Variants in GREM2 observed in about 807,000 individuals in gnomAD.
The protein encoded by GREM2 is gremlin 2, DAN family BMP antagonist, also known as gremlin-2.
A neutral mutation model predicts 14.2 loss-of-function variants in GREM2; 11 were observed. The observed-to-expected ratio is 0.78, with a 90% CI of 0.49 to 1.28. GREM2 has a LOEUF of 1.28. GREM2 is among the 50% of genes most tolerant of loss of function. The probability of loss-of-function intolerance (pLI) is 0.00; values close to 1 mark genes in which losing one functional copy is unlikely to be tolerated. For synonymous variants in GREM2, 98 were observed against 97.6 expected (o/e 1.00, Z -0.02); for missense variants, 210 against 218.5 (o/e 0.96, Z 0.24).
intron 1 of GREM2, among the ~76,000 whole-genome samples, chr1:240,521,487 CG>C (rs1558147676): frequency 6.6e-6 from 1 of 151,844 alleles, no homozygotes; most frequent in Non-Finnish European, 1.5e-5. Context: ...AGGAGAATGG[CG>C]TGAACCCGGG....
At chr1:240,563,356 T>C (rs541154441) in intron 1 of GREM2, among the ~76,000 whole-genome samples, 1 of 152,304 alleles carries the variant, frequency 6.6e-6, no homozygotes, top group South Asian at 2.1e-4. Context: ...TCAGGCTAGG[T>C]TCATGGTGGA....
intron 1 of GREM2, among the ~76,000 whole-genome samples, chr1:240,600,891 A>T (rs1341740820): frequency 1.3e-5 from 2 of 152,176 alleles, no homozygotes; most frequent in African/African-American, 4.8e-5. Flanking sequence ...TGGTTCCATA[A>T]ATAATTGTTG....
chr1:240,497,180 C>T (rs576666865), intron 1 of GREM2, among the ~76,000 whole-genome samples: 38 of 152,134 alleles, frequency 2.5e-4, no homozygotes, highest in Non-Finnish European at 4.3e-4. Flanking sequence ...CTGTGACCAA[C>T]GACATCTGAA....
chr1:240,609,992 G>C (rs1680102324), intron 1 of GREM2, among the ~76,000 whole-genome samples: 1 of 151,968 alleles, frequency 6.6e-6, no homozygotes, highest in African/African-American at 2.4e-5. Context: ...AAAAAACAAT[G>C]AATAATCACA....
chr1:240,586,041 A>C (rs78571394), intron 1 of GREM2, among the ~76,000 whole-genome samples: 2 of 151,880 alleles, frequency 1.3e-5, no homozygotes, highest in East Asian at 3.9e-4. Context: ...AAAAAAAAAA[A>C]GACAAAACTC....
intron 1 of GREM2, among the ~76,000 whole-genome samples, chr1:240,603,261 A>G (rs1045741656): frequency 6.6e-6 from 1 of 152,180 alleles, no homozygotes. Flanking sequence ...GCTTGAGACC[A>G]TCCAGTTTCA....
At chr1:240,509,244 T>C (rs74149149) in intron 1 of GREM2, among the ~76,000 whole-genome samples, 4,506 of 152,130 alleles carry the variant, frequency 0.03, 223 homozygotes, top group African/African-American at 0.1. Context: ...GAGAGGCCCC[T>C]GCACCGGGCC....
In GREM2 at chr1:240,542,915, G is replaced by A. The variant is rs1042988258; in HGVS notation, c.-1-49439C>T. On this transcript the variant is annotated intron_variant, in intron 1 of 1. Coordinates refer to ENST00000318160, the MANE Select transcript of GREM2 (RefSeq NM_022469.4). This position sits in a 1 kb window ranked among gnomAD's most constrained non-coding sequence, Gnocchi z 4.1. Reference sequence around the variant, plus strand: ...AAAATTATTGATCCTCTCTGAGAAAGAAAGAGCTCTCTCCACTCTTAGAAG... The same window carrying A: ...AAAATTATTGATCCTCTCTGAGAAAAAAAGAGCTCTCTCCACTCTTAGAAG... Among the ~76,000 whole-genome samples, 2 of 152,168 alleles carry A rather than the reference G, an allele frequency of 1.3e-5. No individual in the cohort carries two copies. Among genetic ancestry groups the A allele is most frequent in the African/African-American group, 4.8e-5 (2 of 41,438 alleles).
chr1:240,503,352 C>T (rs747989047), intron 1 of GREM2, among the ~76,000 whole-genome samples: 63 of 152,198 alleles, frequency 4.1e-4, no homozygotes, highest in Non-Finnish European at 7.8e-4. Flanking sequence ...TTTAGATCCT[C>T]ATCATCTGAA....
chr1:240,496,948 G>A (rs1441462034), intron 1 of GREM2, among the ~76,000 whole-genome samples: 2 of 152,088 alleles, frequency 1.3e-5, no homozygotes, highest in East Asian at 1.9e-4. Context: ...TTGAACCCGG[G>A]AGGCAGAGGT....
chr1:240,531,579 C>G (rs1222387500), intron 1 of GREM2: 1 of 892,480 alleles, frequency 1.1e-6, no homozygotes, highest in Non-Finnish European at 1.3e-6. Flanking sequence ...AATTAGGGAA[C>G]AGAATAGTGG....
At position 240,585,711 on chromosome 1, in the gene GREM2, CAG is replaced by C. The variant is rs549481290; in HGVS notation, c.-2+26171_-2+26172del. On this transcript the variant is annotated intron_variant, in intron 1 of 1. Coordinates refer to ENST00000318160, the MANE Select transcript of GREM2 (RefSeq NM_022469.4). ...TGCCACTGTATTACAGCCTAGGTGACAGAGAGAGACTCCATCTCAAAAAAAAA... is the reference window on the plus strand; with the variant it reads ...TGCCACTGTATTACAGCCTAGGTGACAGAGAGACTCCATCTCAAAAAAAAA... Among the ~76,000 whole-genome samples, 82 of 114,556 alleles carry C rather than the reference CAG, an allele frequency of 7.2e-4. 4 individuals carry two copies. In the East Asian group the frequency reaches 0.021, roughly 30 times the overall value. 75.2% of individuals were successfully genotyped at this position (114,556 alleles called of 152,430 possible). A position where few individuals can be genotyped will look rare whatever the true frequency, so the allele number is the denominator to read the frequency against.
chr1:240,606,569 T>C (rs1297140945), intron 1 of GREM2, among the ~76,000 whole-genome samples: 2 of 152,188 alleles, frequency 1.3e-5, no homozygotes, highest in African/African-American at 4.8e-5. Context: ...TATTATGCCC[T>C]ATAATCTTGA....
intron 1 of GREM2, among the ~76,000 whole-genome samples, chr1:240,606,478 A>T (rs73115524): frequency 0.01 from 1,553 of 152,226 alleles, 31 homozygotes; most frequent in African/African-American, 0.035. Context: ...TACCCAACAA[A>T]CACCACTGTA....
chr1:240,610,845 A>G (rs1680118265), intron 1 of GREM2, among the ~76,000 whole-genome samples: 1 of 152,218 alleles, frequency 6.6e-6, no homozygotes, highest in African/African-American at 2.4e-5. Context: ...ATTCAGAGCC[A>G]CATGAATACC....
chr1:240,516,896 C>T (rs1417378933), intron 1 of GREM2, among the ~76,000 whole-genome samples: 1 of 152,112 alleles, frequency 6.6e-6, no homozygotes. Flanking sequence ...AGGCTGATTT[C>T]AGTCTGGGCC....
rs1678615099 is a variant in GREM2, at chr1:240,542,545, G to A, written c.-1-49069C>T. Reference sequence around the variant, plus strand: ...CAGGAGAATCGCTTGAACCCAGGAGGCGGAGGTTGCAGTGAGCCAAGATTG... The same window carrying A: ...CAGGAGAATCGCTTGAACCCAGGAGACGGAGGTTGCAGTGAGCCAAGATTG... On this transcript the variant is annotated intron_variant, in intron 1 of 1. Transcript: ENST00000318160. This position sits in a 1 kb window ranked among gnomAD's most constrained non-coding sequence, Gnocchi z 4.1. Among the ~76,000 whole-genome samples the A allele has an allele frequency of 6.6e-6, 1 of 151,934 alleles. No homozygotes were observed. The highest frequency in any genetic ancestry group is 1.9e-4 in the East Asian group (1 of 5,180).
intron 1 of GREM2, among the ~76,000 whole-genome samples, chr1:240,593,446 A>G (rs1342122895): frequency 6.6e-6 from 1 of 152,224 alleles, no homozygotes; most frequent in Non-Finnish European, 1.5e-5. Context: ...CCAGTGGAAG[A>G]CCAACATATA....
chr1:240,600,126 T>C (rs1036377231), intron 1 of GREM2, among the ~76,000 whole-genome samples: 1 of 152,162 alleles, frequency 6.6e-6, no homozygotes, highest in Admixed American at 6.5e-5. Context: ...AGACTGGGAA[T>C]GAGGAAACCT....
Sources: gnomAD v4.1 joint callset for allele counts (sites outside exome capture counted in the v4.1 genomes callset) on GRCh38, gnomAD v4.1.1 for gene constraint, Gnocchi (gnomAD v3.1) non-coding constraint, MANE v1.5 for transcripts, NCBI Gene and HGNC (gene_info 2026-07-23, HGNC 2026-07-21) for gene names.